HK2: variants seen among roughly 807,000 people sequenced by gnomAD.
The protein encoded by HK2 is hexokinase 2.
In HK2, 42 loss-of-function variants were observed where a neutral mutation model predicts 92.9. The ratio of observed to expected loss-of-function variants is 0.45; its 90% confidence interval spans 0.35 to 0.58. HK2 has a LOEUF of 0.58. HK2 is among the 20% of genes least tolerant of loss of function. The pLI is 0.00. For missense variants in HK2, 978 were observed against 1,245.1 expected, an observed-to-expected ratio of 0.79 and a Z score of 3.23; for synonymous variants, 422 against 468.0, an observed-to-expected ratio of 0.90 and a Z score of 1.27.
chr2:74,835,602 T>G (rs1409625162), intron 1 of HK2, among the ~76,000 whole-genome samples: 3 of 130,688 alleles, frequency 2.3e-5, no homozygotes, highest in Non-Finnish European at 3.3e-5. Context: ...CCTCGGGGTA[T>G]GGGGGTGGGG....
At position 74,834,652 on chromosome 2, in the gene HK2, G is replaced by T. The variant is rs751716509; in HGVS notation, c.63+9G>T. On this transcript the variant is annotated intron_variant, in intron 1 of 17. Coordinates refer to ENST00000290573, the MANE Select transcript of HK2 (RefSeq NM_000189.5). This position sits in a 1 kb window ranked among gnomAD's most constrained non-coding sequence, Gnocchi z 4.2. ...ATGACCAAGTGCAGAAGGTAAGTCA[G>T]CGCGGGCGGGGCGGCAGGCTGGGCT... 1 of 1,613,968 alleles carries T rather than the reference G, an allele frequency of 6.2e-7. No homozygotes were observed. The highest frequency in any genetic ancestry group is 8.5e-7 in the Non-Finnish European group (1 of 1,179,844).
At chr2:74,874,567 G>T in intron 7 of HK2, 118 bp downstream of exon 7, 1 of 953,388 alleles carries the variant, frequency 1.0e-6, no homozygotes, top group South Asian at 1.7e-5. Flanking sequence ...TTGCCAAGGT[G>T]GCCACTGGTC....
At chr2:74,879,160 C>G (rs966709385) in intron 9 of HK2, among the ~76,000 whole-genome samples, 2 of 152,170 alleles carry the variant, frequency 1.3e-5, no homozygotes, top group African/African-American at 2.4e-5. Context: ...CAGAGCTCCT[C>G]TGGCTGCTGG....
Position 74,890,794 on chromosome 2 carries a change from C to T in HK2, c.2610-3C>T. ...TCCTGTGTCTTCCTCCCACCTTTTC[C>T]AGCTTTGCCAAAGTCATGCATGAGA... On this transcript the variant is annotated splice_region_variant and splice_polypyrimidine_tract_variant and intron_variant, in intron 17 of 17. Transcript: ENST00000290573. The T allele has an allele frequency of 1.2e-6, 2 of 1,614,134 alleles. No homozygotes were observed. Among genetic ancestry groups the T allele is most frequent in the Non-Finnish European group, 1.7e-6 (2 of 1,180,016 alleles).
intron 1 of HK2, among the ~76,000 whole-genome samples, chr2:74,843,350 C>T (rs931898413): frequency 2.0e-4 from 30 of 152,088 alleles, no homozygotes; most frequent in African/African-American, 7.2e-4. Context: ...CAACCCATAC[C>T]CTCCATCCCA....
intron 4 of HK2, among the ~76,000 whole-genome samples, chr2:74,872,694 T>C (rs1484064341): frequency 1.3e-5 from 2 of 152,112 alleles, no homozygotes; most frequent in African/African-American, 4.8e-5. Context: ...AACTCCCCAG[T>C]CTAAAGTGTT....
At chr2:74,888,317 G>A (rs1689590693) in intron 16 of HK2, among the ~76,000 whole-genome samples, 1 of 152,242 alleles carries the variant, frequency 6.6e-6, no homozygotes, top group African/African-American at 2.4e-5. Flanking sequence ...TTTAGACCAT[G>A]TATCAAAGGT....
Position 74,886,639 on chromosome 2 carries a change from G to A in HK2, c.2185G>A (p.Val729Met). Residue 729 changes from valine (V) to methionine (M), a missense_variant, in exon 15 of 18, where the codon GTG (valine) becomes ATG (methionine). Coordinates refer to ENST00000290573, the MANE Select transcript of HK2 (RefSeq NM_000189.5). ...CTTCCGCACAGAATTTGATGTGGCT[G>A]TGGATGAGCTTTCACTCAACCCCGG... Reference protein sequence around the residue: ...DDFRTEFDVAVDELSLNPGKQ... With the variant: ...DDFRTEFDVAMDELSLNPGKQ... 1 of 1,614,074 alleles carries A rather than the reference G, an allele frequency of 6.2e-7. No individual in the cohort carries two copies.
At chr2:74,856,198 G>A (rs566408125) in intron 2 of HK2, among the ~76,000 whole-genome samples, 3 of 152,256 alleles carry the variant, frequency 2.0e-5, no homozygotes, top group East Asian at 3.9e-4. Context: ...TTAATGCCAC[G>A]CGCCTGTGCT....
At chr2:74,835,629 G>A (rs13382443) in intron 1 of HK2, among the ~76,000 whole-genome samples, 1,624 of 152,318 alleles carry the variant, frequency 0.011, 36 homozygotes, top group African/African-American at 0.038. Context: ...CCGGGGCCGG[G>A]GACGGGCAGG....
chr2:74,862,896 G>A (rs558900343), intron 2 of HK2, among the ~76,000 whole-genome samples: 9 of 152,252 alleles, frequency 5.9e-5, no homozygotes, highest in Middle Eastern at 3.4e-3. Flanking sequence ...GGAGGTTATC[G>A]TTACCCTTTT....
chr2:74,861,468 A>G (rs554162145), intron 2 of HK2, among the ~76,000 whole-genome samples: 16 of 152,210 alleles, frequency 1.1e-4, no homozygotes, highest in African/African-American at 3.6e-4. Context: ...ATGAGCACCC[A>G]TGGTGTCTGT....
At chr2:74,840,509 T>C (rs181700329) in intron 1 of HK2, among the ~76,000 whole-genome samples, 9 of 152,160 alleles carry the variant, frequency 5.9e-5, no homozygotes, top group African/African-American at 2.2e-4. Context: ...ATCGTTGAGC[T>C]TTGAAGTCAG....
chr2:74,870,556 T>C (rs978527113), intron 3 of HK2, among the ~76,000 whole-genome samples: 5 of 104,592 alleles, frequency 4.8e-5, no homozygotes, highest in African/African-American at 4.4e-4. Flanking sequence ...GCATCTCCCT[T>C]TTTTTTTTTT....
chr2:74,849,792 A>G (rs895096028), intron 1 of HK2, among the ~76,000 whole-genome samples: 2 of 152,196 alleles, frequency 1.3e-5, no homozygotes, highest in African/African-American at 4.8e-5. Context: ...TTTTGTGGCA[A>G]GGAAGCTGGG....
At chr2:74,877,025 C>T in intron 7 of HK2, 141 bp from the exon 8 acceptor site, 1 of 1,118,556 alleles carries the variant, frequency 8.9e-7, no homozygotes. Flanking sequence ...GTCACCTCTC[C>T]ACGTATCTTA....
Position 74,885,589 on chromosome 2 carries a change from G to A in HK2, c.1935G>A (p.Glu645=), listed in dbSNP as rs765990794. ...TGAAGGAAGCGATCCACCGGCGAGAGGTAGGAGACACATGGCACGAGGTCT... is the reference window on the plus strand; with the variant it reads ...TGAAGGAAGCGATCCACCGGCGAGAAGTAGGAGACACATGGCACGAGGTCT... ...TLLKEAIHRR[E]EFDLDVVAVV... Residue 645 remains glutamate, a splice_region_variant and synonymous_variant, in exon 13 of 18, where the codon GAG becomes GAA. Coordinates refer to ENST00000290573, the MANE Select transcript of HK2 (RefSeq NM_000189.5). 6.2e-7 allele frequency: 1 copy of A among 1,604,532 alleles called. No individual in the cohort carries two copies. The highest frequency in any genetic ancestry group is 1.1e-5 in the South Asian group (1 of 90,918).
At chr2:74,862,651 A>G (rs1218760013) in intron 2 of HK2, among the ~76,000 whole-genome samples, 1 of 152,248 alleles carries the variant, frequency 6.6e-6, no homozygotes, top group African/African-American at 2.4e-5. Context: ...ATCCAGAGCT[A>G]GCACACAGCA....
chr2:74,841,970 TTGA>T (rs1344748527), intron 1 of HK2, among the ~76,000 whole-genome samples: 1 of 152,230 alleles, frequency 6.6e-6, no homozygotes, highest in Non-Finnish European at 1.5e-5. Flanking sequence ...GAGAGGCTGT[TTGA>T]TGAGCTGGAG....
Sources: allele counts gnomAD v4.1 joint callset (sites outside exome capture counted in the v4.1 genomes callset), GRCh38; gene constraint gnomAD v4.1.1; non-coding constraint Gnocchi (gnomAD v3.1); transcripts MANE v1.5; gene names NCBI Gene and HGNC (gene_info 2026-07-23, HGNC 2026-07-21).